The following PDZD8 variants were observed in gnomAD, a reference collection of about 807,000 sequenced individuals.
The protein encoded by PDZD8 is PDZ domain containing 8, also known as PDZ domain-containing protein 8.
PDZD8 carries 14 observed loss-of-function variants against 85.8 expected under a neutral mutation model. The ratio of observed to expected loss-of-function variants is 0.16; its 90% CI spans 0.11 to 0.26. The LOEUF (loss-of-function observed/expected upper bound fraction) is 0.26. PDZD8 is among the 10% of genes least tolerant of loss of function. The pLI, the probability that PDZD8 is intolerant of heterozygous loss-of-function variation, is 1.00. For synonymous variants in PDZD8, 592 were observed against 568.6 expected, an observed-to-expected ratio of 1.04 and a Z score of -0.59; for missense variants, 1,197 against 1,424.3, an observed-to-expected ratio of 0.84 and a Z score of 2.57.
At chr10:117,335,627 G>A (rs1844503362) in intron 2 of PDZD8, among the ~76,000 whole-genome samples, 1 of 152,118 alleles carries the variant, frequency 6.6e-6, no homozygotes, top group South Asian at 2.1e-4. Flanking sequence ...GGAGTGGGGG[G>A]AGACTAAATC....
intron 1 of PDZD8, among the ~76,000 whole-genome samples, chr10:117,347,717 G>C (rs574894932): frequency 2.4e-4 from 36 of 152,132 alleles, no homozygotes; most frequent in Non-Finnish European, 4.6e-4. Flanking sequence ...ACTCATAACA[G>C]TAGATATGAA....
intron 1 of PDZD8, among the ~76,000 whole-genome samples, chr10:117,364,181 G>A (rs1845044960): frequency 1.3e-5 from 2 of 149,088 alleles, no homozygotes; most frequent in South Asian, 4.3e-4. Context: ...ATAATTTATG[G>A]GTGTGTGTGT....
chr10:117,371,542 C>T (rs1845192081), intron 1 of PDZD8, among the ~76,000 whole-genome samples: 1 of 152,210 alleles, frequency 6.6e-6, no homozygotes, highest in Non-Finnish European at 1.5e-5. Context: ...TCATCACTTG[C>T]TGAGGCAGCC....
rs1845101720 is a variant in PDZD8 at position 117,366,966 on chromosome 10, G to A, written c.872+7390C>T. Among the ~76,000 whole-genome samples, 4 of 152,168 alleles carry A rather than the reference G, an allele frequency of 2.6e-5. No individual in the cohort carries two copies. In the South Asian group the frequency reaches 8.3e-4, roughly 32 times the overall value. The stretch of plus-strand genomic sequence containing the variant: ...TTAGCCCCACCCTGCTCATATGATA[G>A]ATTGTTAGTAATACTTGTAAGTCAA... On this transcript the variant is annotated intron_variant, in intron 1 of 4. Transcript: ENST00000334464.
At chr10:117,358,459 AT>A (rs1844939172) in intron 1 of PDZD8, among the ~76,000 whole-genome samples, 1 of 151,600 alleles carries the variant, frequency 6.6e-6, no homozygotes, top group South Asian at 2.1e-4. Flanking sequence ...TTTCCCCCTC[AT>A]CTCCCCTCTC....
intron 1 of PDZD8, among the ~76,000 whole-genome samples, chr10:117,342,120 A>G (rs1181966121): frequency 6.6e-6 from 1 of 152,198 alleles, no homozygotes; most frequent in Non-Finnish European, 1.5e-5. Flanking sequence ...ATAACACCTC[A>G]GTTACCTATG....
intron 1 of PDZD8, among the ~76,000 whole-genome samples, chr10:117,353,477 T>C (rs961984930): frequency 1.3e-5 from 2 of 152,118 alleles, no homozygotes; most frequent in South Asian, 4.1e-4. Context: ...CTAATAAAAA[T>C]CCATGCTAGT....
At chr10:117,342,739 C>T (rs1844637664) in intron 1 of PDZD8, among the ~76,000 whole-genome samples, 1 of 152,194 alleles carries the variant, frequency 6.6e-6, no homozygotes, top group South Asian at 2.1e-4. Context: ...CGGCCTCCCA[C>T]ATGGCCTCCC....
chr10:117,374,135 T>C lies in PDZD8; in HGVS notation c.872+221A>G, dbSNP rs1845244718. Among the ~76,000 whole-genome samples the C allele has an allele frequency of 6.6e-6, 1 of 152,088 alleles. No homozygotes were observed. The highest frequency in any genetic ancestry group is 6.6e-5 in the Admixed American group (1 of 15,262). On this transcript the variant is annotated intron_variant, in intron 1 of 4. Transcript: ENST00000334464. This position sits in a 1 kb window ranked among gnomAD's most constrained non-coding sequence, Gnocchi z 7.8. Reference sequence around the variant, plus strand: ...CTGCCCGCGTTGACAGCACCCTGAGTCCCCATGAACACGCGAAAAGGTTTC... The same window carrying C: ...CTGCCCGCGTTGACAGCACCCTGAGCCCCCATGAACACGCGAAAAGGTTTC...
Position 117,279,366 on chromosome 10 carries a change from G to A in PDZD8, c.*3902C>T, listed in dbSNP as rs1171531509. 6.6e-6 allele frequency: 1 copy of A among 152,142 alleles called. No individual in the cohort carries two copies. Among genetic ancestry groups the A allele is most frequent in the Non-Finnish European group, 1.5e-5 (1 of 68,024 alleles). 9.4% of individuals were successfully genotyped at this position (152,142 alleles called of 1,614,324 possible). On this transcript the variant is annotated 3_prime_UTR_variant, in exon 5 of 5. Transcript: ENST00000334464. ...ATGAGGTAGCAATGAATATTCAACT[G>A]TTTGACTGCTAAGTGTATCTGTCCA...
intron 2 of PDZD8, among the ~76,000 whole-genome samples, chr10:117,325,423 G>C (rs1468137136): frequency 1.1e-4 from 1 of 9,030 alleles, no homozygotes; most frequent in East Asian, 1.1e-3. Context: ...TTTTTTTTGA[G>C]ACAGAGTCTA....
chr10:117,290,370 T>A (rs1190429551), intron 3 of PDZD8, 22 bp from the exon 4 acceptor site: 1 of 1,554,378 alleles, frequency 6.4e-7, no homozygotes, highest in South Asian at 1.1e-5. Context: ...GGGAAAAAAA[T>A]GAAAACTGAT....
At position 117,375,111 on chromosome 10, in the gene PDZD8, G is replaced by A. The variant is rs1845276677; in HGVS notation, c.117C>T (p.Ala39=). The stretch of plus-strand genomic sequence containing the variant: ...TGTAGCGGAAGCCCTCGCCCGCGCG[G>A]GCGGCCTCGTCCGCCGGCGGCTCGG... The part of the protein sequence containing the change: ...RQPEPPADEA[A]RAGEGFRYIK... The change falls in exon 1 of 5, where the codon GCC becomes GCT. Residue 39 remains alanine (A), a synonymous_variant. Coordinates refer to ENST00000334464, the MANE Select transcript of PDZD8 (RefSeq NM_173791.5). The A allele has an allele frequency of 1.9e-6, 3 of 1,594,762 alleles. No individual in the cohort carries two copies. Among genetic ancestry groups the A allele is most frequent in the African/African-American group, 1.3e-5 (1 of 74,580 alleles).
At chr10:117,350,839 G>A (rs1409364505) in intron 1 of PDZD8, among the ~76,000 whole-genome samples, 13 of 150,158 alleles carry the variant, frequency 8.7e-5, no homozygotes, top group Admixed American at 8.6e-4. Context: ...GGGAGGCAGA[G>A]CTTGCAGTAA....
Position 117,285,136 on chromosome 10 carries a change from G to T in PDZD8, c.1597C>A (p.Pro533Thr), listed in dbSNP as rs1313241237. 1 of 1,613,938 alleles carries T rather than the reference G, an allele frequency of 6.2e-7. No individual in the cohort carries two copies. Among genetic ancestry groups the T allele is most frequent in the African/African-American group, 1.3e-5 (1 of 74,894 alleles). The change falls in exon 5 of 5, where the codon CCC becomes ACC. Residue 533 changes from proline (P) to threonine (T), a missense_variant. Coordinates refer to ENST00000334464, the MANE Select transcript of PDZD8 (RefSeq NM_173791.5). ...AAAACTGGTGATATAGCTCCAAGGG[G>T]TTTAATAGAAAGTGTTGTTGGAACA... ...KRVPTTLSIK[P>T]LGAISPVLNR...
intron 2 of PDZD8, among the ~76,000 whole-genome samples, chr10:117,319,956 T>TA (rs200268721): frequency 2.0e-5 from 3 of 151,810 alleles, no homozygotes; most frequent in Admixed American, 1.3e-4. Context: ...TAGAGAAATT[T>TA]AAAAAAAACT....
At chr10:117,371,060 A>G (rs1357367755) in intron 1 of PDZD8, among the ~76,000 whole-genome samples, 2 of 152,156 alleles carry the variant, frequency 1.3e-5, no homozygotes, top group African/African-American at 4.8e-5. Flanking sequence ...ATCTGTAAAA[A>G]AAGATGAACA....
chr10:117,335,444 C>G (rs1646581337), intron 2 of PDZD8, among the ~76,000 whole-genome samples: 1 of 152,294 alleles, frequency 6.6e-6, no homozygotes, highest in East Asian at 1.9e-4. Context: ...AAAGTTTGTT[C>G]TTCTTTTAAT....
chr10:117,337,100 A>T (rs1205540913), intron 2 of PDZD8, among the ~76,000 whole-genome samples: 1 of 152,014 alleles, frequency 6.6e-6, no homozygotes, highest in East Asian at 1.9e-4. Context: ...AAAAAAAAAA[A>T]AGTAAGATCT....
Sources: allele counts gnomAD v4.1 joint callset (sites outside exome capture counted in the v4.1 genomes callset), GRCh38; gene constraint gnomAD v4.1.1; non-coding constraint Gnocchi (gnomAD v3.1); transcripts MANE v1.5; gene names NCBI Gene and HGNC (gene_info 2026-07-23, HGNC 2026-07-21).